RNF13: variants seen among roughly 807,000 people sequenced by gnomAD.
RNF13 encodes E3 ubiquitin-protein ligase RNF13.
RNF13 carries 19 observed loss-of-function variants against 37.7 expected under a neutral mutation model. The ratio of observed to expected loss-of-function variants is 0.50; its 90% CI spans 0.35 to 0.74. The LOEUF (loss-of-function observed/expected upper bound fraction) is 0.74. Ranked by LOEUF, RNF13 falls within the 30% of genes least tolerant of loss-of-function variation. The pLI is 0.01. For synonymous variants in RNF13, 144 were observed against 157.8 expected, an observed-to-expected ratio of 0.91 and a Z score of 0.65; for missense variants, 375 against 453.0, an observed-to-expected ratio of 0.83 and a Z score of 1.56.
intron 8 of RNF13, among the ~76,000 whole-genome samples, chr3:149,937,016 T>C (rs979041631): frequency 1.3e-5 from 2 of 151,940 alleles, no homozygotes; most frequent in Admixed American, 1.3e-4. Flanking sequence ...CTGGGGTTGG[T>C]GGGGAAGGGA....
chr3:149,897,855 C>T (rs1438898342), intron 5 of RNF13, among the ~76,000 whole-genome samples: 1 of 152,096 alleles, frequency 6.6e-6, no homozygotes, highest in Non-Finnish European at 1.5e-5. Flanking sequence ...TTGTAAAAGC[C>T]CCTTCCTGTT....
chr3:149,864,582 AACAC>A (rs2108424444), intron 3 of RNF13, among the ~76,000 whole-genome samples: 1 of 152,314 alleles, frequency 6.6e-6, no homozygotes, highest in South Asian at 2.1e-4. Context: ...CCATTGAGTG[AACAC>A]ACATTATCTG....
intron 3 of RNF13, among the ~76,000 whole-genome samples, chr3:149,868,750 CT>C (rs1175881428): frequency 6.6e-6 from 1 of 151,202 alleles, no homozygotes. Flanking sequence ...TCATTTTCTT[CT>C]TTTTTCTTGC....
At chr3:149,945,095 G>C (rs1720638398) in intron 8 of RNF13, among the ~76,000 whole-genome samples, 1 of 152,116 alleles carries the variant, frequency 6.6e-6, no homozygotes, top group Non-Finnish European at 1.5e-5. Flanking sequence ...GTTTTTGTCA[G>C]GTTTGTCAAA....
intron 3 of RNF13, among the ~76,000 whole-genome samples, chr3:149,860,217 C>A (rs1462440326): frequency 7.0e-6 from 1 of 142,936 alleles, no homozygotes; most frequent in Non-Finnish European, 1.5e-5. Flanking sequence ...GAGATCATGC[C>A]ACTGCACCCC....
intron 1 of RNF13, among the ~76,000 whole-genome samples, chr3:149,840,971 ACTT>A (rs1722125229): frequency 6.6e-6 from 1 of 152,192 alleles, no homozygotes; most frequent in African/African-American, 2.4e-5. Flanking sequence ...GAAAGGAACC[ACTT>A]CTTTTAATAG....
At chr3:149,875,698 G>C (rs911796501) in intron 4 of RNF13, among the ~76,000 whole-genome samples, 8 of 152,144 alleles carry the variant, frequency 5.3e-5, no homozygotes, top group African/African-American at 1.9e-4. Context: ...CAAAACCCAT[G>C]CTCAGAATGA....
chr3:149,843,654 T>C (rs889462723), intron 1 of RNF13, among the ~76,000 whole-genome samples: 8 of 152,222 alleles, frequency 5.3e-5, no homozygotes, highest in Non-Finnish European at 8.8e-5. Context: ...CTTGAATACA[T>C]GTGTAGGCAA....
intron 2 of RNF13, among the ~76,000 whole-genome samples, chr3:149,846,848 C>A (rs1722689597): frequency 6.6e-6 from 1 of 152,112 alleles, no homozygotes; most frequent in Non-Finnish European, 1.5e-5. Context: ...ATAAGATGTT[C>A]ATAGAAAATT....
At chr3:149,930,270 A>G (rs1719037463) in intron 8 of RNF13, among the ~76,000 whole-genome samples, 1 of 152,124 alleles carries the variant, frequency 6.6e-6, no homozygotes, top group Admixed American at 6.5e-5. Flanking sequence ...GTGTCAGTTC[A>G]TTGACTTTGT....
intron 3 of RNF13, among the ~76,000 whole-genome samples, chr3:149,869,327 C>T (rs866677214): frequency 2.6e-5 from 4 of 151,836 alleles, no homozygotes; most frequent in South Asian, 2.1e-4. Context: ...CATATTAGGC[C>T]GGGCGCGGTG....
At chr3:149,909,516 C>T (rs1383881769) in intron 6 of RNF13, among the ~76,000 whole-genome samples, 7 of 146,492 alleles carry the variant, frequency 4.8e-5, no homozygotes, top group African/African-American at 1.8e-4. Context: ...GTCTCAAACT[C>T]CTGTGGCCTC....
chr3:149,899,460 A>G (rs534382633), intron 5 of RNF13, among the ~76,000 whole-genome samples: 2 of 152,026 alleles, frequency 1.3e-5, no homozygotes. Flanking sequence ...AAATGATTGA[A>G]TGAATGAATG....
At chr3:149,825,942 G>T (rs1720459797) in intron 1 of RNF13, among the ~76,000 whole-genome samples, 1 of 151,978 alleles carries the variant, frequency 6.6e-6, no homozygotes. Context: ...CCTCTCTCCT[G>T]CCCCTCCCTA....
chr3:149,868,515 C>T (rs949103523), intron 3 of RNF13, among the ~76,000 whole-genome samples: 3 of 150,848 alleles, frequency 2.0e-5, no homozygotes, highest in Non-Finnish European at 4.4e-5. Flanking sequence ...TCCTCCCTGC[C>T]TCCCTCCCTT....
chr3:149,864,271 TCTC>T (rs1296489450), intron 3 of RNF13, among the ~76,000 whole-genome samples: 1 of 151,922 alleles, frequency 6.6e-6, no homozygotes, highest in Non-Finnish European at 1.5e-5. Flanking sequence ...GCCCCTCTCT[TCTC>T]CTCTTTCATC....
At chr3:149,949,887 A>G (rs897934718) in intron 8 of RNF13, among the ~76,000 whole-genome samples, 1 of 151,556 alleles carries the variant, frequency 6.6e-6, no homozygotes, top group African/African-American at 2.4e-5. Flanking sequence ...TATTGCTTCT[A>G]TTCTTTTCTC....
At chr3:149,877,094 A>G (rs1458565310) in intron 4 of RNF13, among the ~76,000 whole-genome samples, 2 of 152,038 alleles carry the variant, frequency 1.3e-5, no homozygotes, top group Admixed American at 6.6e-5. Flanking sequence ...TCTTTTATAT[A>G]CTATTTAATC....
chr3:149,909,379 A>G (rs1357295635), intron 6 of RNF13, among the ~76,000 whole-genome samples: 1 of 151,342 alleles, frequency 6.6e-6, no homozygotes, highest in Non-Finnish European at 1.5e-5. Context: ...GGTTCAAGCT[A>G]AGTTTCCAGC....
Sources: gnomAD v4.1 joint callset for allele counts (sites outside exome capture counted in the v4.1 genomes callset) on GRCh38, gnomAD v4.1.1 for gene constraint, MANE v1.5 for transcripts, NCBI Gene and HGNC (gene_info 2026-07-23, HGNC 2026-07-21) for gene names.